RXFP2: variants seen among roughly 807,000 people sequenced by gnomAD.
The protein encoded by RXFP2 is relaxin receptor 2.
A neutral mutation model predicts 88.6 loss-of-function variants in RXFP2; 68 were observed. The ratio of observed to expected loss-of-function variants is 0.77; its 90% CI spans 0.63 to 0.94. The LOEUF (loss-of-function observed/expected upper bound fraction) is 0.94, where lower values mean the gene tolerates loss of function less well. RXFP2 is among the 40% of genes least tolerant of loss of function. The pLI, the probability that RXFP2 is intolerant of heterozygous loss-of-function variation, is 0.00. For missense variants in RXFP2, 791 were observed against 893.9 expected (o/e 0.88, Z 1.47); for synonymous variants, 329 against 306.8 (o/e 1.07, Z -0.76).
intron 5 of RXFP2, among the ~76,000 whole-genome samples, chr13:31,772,501 G>A: frequency 6.6e-6 from 1 of 152,122 alleles, no homozygotes; most frequent in South Asian, 2.1e-4. Flanking sequence ...TATATTAAAT[G>A]GGCTTATATC....
At chr13:31,765,003 T>A (rs1219367317) in intron 3 of RXFP2, 34 bp from the exon 4 acceptor site, 2 of 1,088,466 alleles carry the variant, frequency 1.8e-6, no homozygotes, top group East Asian at 4.7e-5. Context: ...TGTATTTGTT[T>A]ACTAGTGAAA....
At chr13:31,740,114 G>C (rs1483239762) in intron 1 of RXFP2, among the ~76,000 whole-genome samples, 1 of 152,054 alleles carries the variant, frequency 6.6e-6, no homozygotes, top group East Asian at 1.9e-4. Context: ...TATCTTGCGT[G>C]AACATAATTA....
At chr13:31,749,821 T>A (rs554126626) in intron 1 of RXFP2, among the ~76,000 whole-genome samples, 15 of 152,220 alleles carry the variant, frequency 9.9e-5, no homozygotes, top group Non-Finnish European at 2.2e-4. Flanking sequence ...ATCACAGTTT[T>A]ATGTCTTCTC....
chr13:31,781,688 G>A lies in RXFP2; in HGVS notation c.803G>A (p.Arg268Lys), dbSNP rs368718988. Residue 268 changes from arginine to lysine, a missense_variant, in exon 10 of 18, where the codon AGA becomes AAA. Transcript: ENST00000298386. ...ACTTCCAGGGATTTGGAAGGCAATA[G>A]AATAAAGTATCTCACAAATTCTACG... is the stretch of plus-strand genomic sequence containing the variant. ...QLNWVDLEGN[R>K]IKYLTNSTFL... 9.3e-6 allele frequency: 15 copies of A among 1,611,898 alleles called. No homozygotes were observed. The African/African-American group carries it at 1.6e-4, about 17-fold the overall frequency.
intron 1 of RXFP2, among the ~76,000 whole-genome samples, chr13:31,754,204 G>C (rs1485278764): frequency 6.6e-6 from 1 of 152,190 alleles, no homozygotes; most frequent in Non-Finnish European, 1.5e-5. Context: ...CTGCATATGT[G>C]AGATGGGCAT....
chr13:31,800,244 G>A (rs1566240162), intron 17 of RXFP2, among the ~76,000 whole-genome samples: 1 of 152,052 alleles, frequency 6.6e-6, no homozygotes, highest in Non-Finnish European at 1.5e-5. Flanking sequence ...ACAGTACCTG[G>A]GGTCACCCAA....
At chr13:31,774,334 A>G (rs1267323993) in intron 5 of RXFP2, among the ~76,000 whole-genome samples, 2 of 152,328 alleles carry the variant, frequency 1.3e-5, no homozygotes, top group South Asian at 4.2e-4. Context: ...GACGGTCACC[A>G]TAGTGCCAGT....
At chr13:31,786,183 G>A (rs1873528205) in intron 11 of RXFP2, among the ~76,000 whole-genome samples, 200 bp from the exon 12 acceptor site, 1 of 152,170 alleles carries the variant, frequency 6.6e-6, no homozygotes, top group African/African-American at 2.4e-5. Flanking sequence ...AACTGGACGA[G>A]CAAAGTGTTA....
intron 15 of RXFP2, 123 bp downstream of exon 15, chr13:31,792,158 A>G (rs1425515369): frequency 2.7e-6 from 2 of 734,406 alleles, no homozygotes; most frequent in East Asian, 5.5e-5. Flanking sequence ...TCCTGGGCAC[A>G]TTTTTTTTTC....
At chr13:31,779,579 G>A (rs1028154713) in intron 9 of RXFP2, among the ~76,000 whole-genome samples, 9 of 151,976 alleles carry the variant, frequency 5.9e-5, no homozygotes, top group East Asian at 5.8e-4. Context: ...AATTTACGTC[G>A]TACCTTCACC....
At chr13:31,761,649 T>C in intron 2 of RXFP2, 75 bp from the exon 3 acceptor site, 1 of 958,590 alleles carries the variant, frequency 1.0e-6, no homozygotes, top group Non-Finnish European at 1.7e-6. Context: ...TTAAAATCAT[T>C]ACCAAATTGT....
chr13:31,748,811 C>A (rs1203634183), intron 1 of RXFP2, among the ~76,000 whole-genome samples: 1 of 151,996 alleles, frequency 6.6e-6, no homozygotes, highest in East Asian at 1.9e-4. Flanking sequence ...ATGGTGAAAC[C>A]CCATCTCTAT....
chr13:31,748,818 C>A (rs764097076), intron 1 of RXFP2, among the ~76,000 whole-genome samples: 2 of 152,084 alleles, frequency 1.3e-5, no homozygotes, highest in African/African-American at 4.8e-5. Flanking sequence ...AACCCCATCT[C>A]TATTAAAATA....
intron 7 of RXFP2, among the ~76,000 whole-genome samples, chr13:31,776,638 G>A (rs1435690658): frequency 1.3e-5 from 2 of 152,032 alleles, no homozygotes; most frequent in African/African-American, 4.8e-5. Context: ...GATGTTATGA[G>A]GATTATATCA....
intron 11 of RXFP2, 84 bp downstream of exon 11, chr13:31,782,831 T>A: frequency 7.1e-6 from 6 of 849,988 alleles, no homozygotes; most frequent in Non-Finnish European, 1.2e-5. Context: ...GCTTTGCCAC[T>A]AGTAGCAATC....
intron 16 of RXFP2, among the ~76,000 whole-genome samples, chr13:31,796,016 C>T (rs563523447): frequency 1.6e-5 from 2 of 125,040 alleles, no homozygotes; most frequent in Non-Finnish European, 1.7e-5. Flanking sequence ...AACAAAAATA[C>T]ATTTTTGTTC....
chr13:31,745,952 G>A (rs773935256), intron 1 of RXFP2, among the ~76,000 whole-genome samples: 34 of 152,212 alleles, frequency 2.2e-4, no homozygotes, highest in Non-Finnish European at 4.6e-4. Flanking sequence ...AGGCAGCAGA[G>A]CAACAAGGAT....
At chr13:31,743,623 T>C (rs916314350) in intron 1 of RXFP2, among the ~76,000 whole-genome samples, 1 of 151,794 alleles carries the variant, frequency 6.6e-6, no homozygotes, top group Admixed American at 6.6e-5. Context: ...GCCCCCTTGC[T>C]CCTGTTCAAG....
intron 17 of RXFP2, 70 bp from the exon 18 acceptor site, chr13:31,802,076 A>C: frequency 6.7e-7 from 1 of 1,485,012 alleles, no homozygotes; most frequent in Non-Finnish European, 9.4e-7. Flanking sequence ...CATTGACTGC[A>C]AAGTGTTATT....
Sources: allele counts gnomAD v4.1 joint callset (sites outside exome capture counted in the v4.1 genomes callset), GRCh38; gene constraint gnomAD v4.1.1; transcripts MANE v1.5; gene names NCBI Gene and HGNC (gene_info 2026-07-23, HGNC 2026-07-21).